Variants in UBE2R2 observed in about 807,000 individuals in gnomAD.
UBE2R2 encodes ubiquitin conjugating enzyme E2 R2.
A neutral mutation model predicts 27.8 loss-of-function variants in UBE2R2; 1 was observed. The observed-to-expected ratio is 0.04, with a 90% CI of 0.01 to 0.17. The LOEUF is 0.17. Among genes scored for constraint, UBE2R2 ranks in the 10% least tolerant of loss-of-function variants. The pLI, the probability that UBE2R2 is intolerant of heterozygous loss-of-function variation, is 1.00. For synonymous variants in UBE2R2, 106 were observed against 113.3 expected (o/e 0.94, Z 0.41); for missense variants, 100 against 291.0 (o/e 0.34, Z 4.78).
chr9:33,880,112 C>G (rs958875870), intron 1 of UBE2R2, among the ~76,000 whole-genome samples: 2 of 151,358 alleles, frequency 1.3e-5, no homozygotes, highest in African/African-American at 2.4e-5. Flanking sequence ...CCTCCAACTC[C>G]TGCGCTCAAG....
intron 3 of UBE2R2, among the ~76,000 whole-genome samples, chr9:33,908,599 T>C (rs1822416458): frequency 6.6e-6 from 1 of 152,242 alleles, no homozygotes; most frequent in African/African-American, 2.4e-5. Context: ...ACATCCTGGA[T>C]TTTTAACTTA....
chr9:33,897,025 T>TA (rs1822124805), intron 2 of UBE2R2, among the ~76,000 whole-genome samples: 1 of 14,184 alleles, frequency 7.1e-5, no homozygotes, highest in African/African-American at 1.8e-4. Flanking sequence ...TGTGGCCTAA[T>TA]TTTTTTTTTT....
intron 2 of UBE2R2, among the ~76,000 whole-genome samples, chr9:33,890,529 AG>A (rs1236743626): frequency 4.7e-5 from 7 of 150,146 alleles, no homozygotes; most frequent in African/African-American, 1.7e-4. Flanking sequence ...GATCGAGCTA[AG>A]GCCGGGCTCG....
intron 1 of UBE2R2, among the ~76,000 whole-genome samples, chr9:33,864,311 C>G (rs1821311963): frequency 6.6e-6 from 1 of 152,056 alleles, no homozygotes; most frequent in Non-Finnish European, 1.5e-5. Context: ...ATCAGTTACC[C>G]AGGATGTCTT....
At position 33,918,032 on chromosome 9, in the gene UBE2R2, TC is replaced by T. The variant is rs571427802; in HGVS notation, c.*801del. On this transcript the variant is annotated 3_prime_UTR_variant, in exon 5 of 5. Transcript: ENST00000263228. The stretch of plus-strand genomic sequence containing the variant: ...TATTTATTTTAAAGGCAGGGTTATT[TC>T]CCCCCAGGGAGTGGGGCAAGCGGGG... 6.5e-6 allele frequency: 1 copy of T among 153,644 alleles called. No individual in the cohort carries two copies. Among genetic ancestry groups the T allele is most frequent in the Non-Finnish European group, 1.5e-5 (1 of 68,008 alleles). The allele number at this position is 153,644 out of a possible 1,614,324, so 9.5% of individuals were successfully genotyped here.
At chr9:33,875,785 A>G (rs994285299) in intron 1 of UBE2R2, among the ~76,000 whole-genome samples, 1 of 152,186 alleles carries the variant, frequency 6.6e-6, no homozygotes, top group African/African-American at 2.4e-5. Context: ...GAAAAATGTA[A>G]ATTAAATAGT....
intron 1 of UBE2R2, among the ~76,000 whole-genome samples, chr9:33,834,785 C>T (rs1051093437): frequency 3.7e-4 from 56 of 151,774 alleles, no homozygotes; most frequent in African/African-American, 1.1e-3. Flanking sequence ...TGACACATGC[C>T]TGTAATCCCA....
chr9:33,895,638 G>A (rs1587474997), intron 2 of UBE2R2, among the ~76,000 whole-genome samples: 1 of 152,044 alleles, frequency 6.6e-6, no homozygotes, highest in African/African-American at 2.4e-5. Context: ...TCAAACTGGG[G>A]AATAGAACCA....
rs1014872842 is a variant in UBE2R2 at position 33,900,394 on chromosome 9, T to G, written c.362+123T>G. The G allele has an allele frequency of 6.3e-6, 4 of 633,506 alleles. No individual in the cohort carries two copies. The Admixed American group carries it at 1.2e-4, about 20-fold the overall frequency. 39.2% of individuals were successfully genotyped at this position (633,506 alleles called of 1,614,324 possible). A position where few individuals can be genotyped will look rare whatever the true frequency, so the allele number is the denominator to read the frequency against. On this transcript the variant is annotated intron_variant, in intron 3 of 4. Coordinates refer to ENST00000263228, the MANE Select transcript of UBE2R2 (RefSeq NM_017811.4). ...TCATCTTTCTTATATTCAGTTTCTT[T>G]GTCTTTAGCTAGAGCTTTAAGAAAT... is the stretch of plus-strand genomic sequence containing the variant.
intron 1 of UBE2R2, among the ~76,000 whole-genome samples, chr9:33,849,064 C>G (rs1211079237): frequency 1.3e-5 from 2 of 151,972 alleles, no homozygotes; most frequent in Admixed American, 1.3e-4. Context: ...CGAGACCAGC[C>G]TGACCAACAT....
Position 33,882,165 on chromosome 9 carries a change from CACTT to C in UBE2R2, c.178-4711_178-4708del, listed in dbSNP as rs547127231. ...AAATACTCCAATTTGTTTTCTTTAG[CACTT>C]ACTTTTTGGCATTATAAGATGCTCT... On this transcript the variant is annotated intron_variant, in intron 1 of 4. Coordinates refer to ENST00000263228, the MANE Select transcript of UBE2R2 (RefSeq NM_017811.4). Among the ~76,000 whole-genome samples, 1,079 of 152,256 alleles carry C rather than the reference CACTT, an allele frequency of 7.1e-3. 14 individuals are homozygous for C. Among genetic ancestry groups the C allele is most frequent in the African/African-American group, 0.025 (1,024 of 41,564 alleles).
chr9:33,877,180 A>AT (rs34711764), intron 1 of UBE2R2, among the ~76,000 whole-genome samples: 7 of 114,820 alleles, frequency 6.1e-5, no homozygotes, highest in South Asian at 5.7e-4. Flanking sequence ...TTATGATTGA[A>AT]TTTTTTTTTT....
chr9:33,837,852 T>G (rs1448989460), intron 1 of UBE2R2, among the ~76,000 whole-genome samples: 1 of 152,154 alleles, frequency 6.6e-6, no homozygotes, highest in Non-Finnish European at 1.5e-5. Flanking sequence ...CATTCTGTTT[T>G]TGATGTCTTG....
At chr9:33,898,593 T>A (rs938031837) in intron 2 of UBE2R2, among the ~76,000 whole-genome samples, 1 of 152,192 alleles carries the variant, frequency 6.6e-6, no homozygotes, top group Non-Finnish European at 1.5e-5. Context: ...TCCAGTTTTT[T>A]AAAAATATAA....
intron 3 of UBE2R2, among the ~76,000 whole-genome samples, chr9:33,909,019 T>TAAATAAAG (rs1822426477): frequency 6.6e-6 from 1 of 151,912 alleles, no homozygotes; most frequent in African/African-American, 2.4e-5. Flanking sequence ...AATAAATAAA[T>TAAATAAAG]AAATAAATAT....
chr9:33,915,397 A>G (rs971082083), intron 4 of UBE2R2, among the ~76,000 whole-genome samples: 32 of 152,216 alleles, frequency 2.1e-4, no homozygotes, highest in African/African-American at 7.5e-4. Context: ...GCATTTGTTT[A>G]TATAAGCCAA....
At position 33,917,981 on chromosome 9, in the gene UBE2R2, T is replaced by C. The variant is rs1179564579; in HGVS notation, c.*744T>C. On this transcript the variant is annotated 3_prime_UTR_variant, in exon 5 of 5. Coordinates refer to ENST00000263228, the MANE Select transcript of UBE2R2 (RefSeq NM_017811.4). ...AAAGCCTGAAATAAATATTCATACT[T>C]TCCATAGAACTGAGCACTTGGTTGC... 1.3e-5 allele frequency: 2 copies of C among 153,762 alleles called. No homozygotes were observed. Among genetic ancestry groups the C allele is most frequent in the Non-Finnish European group, 2.9e-5 (2 of 68,064 alleles). 9.5% of individuals were successfully genotyped at this position (153,762 alleles called of 1,614,324 possible).
chr9:33,862,788 T>C (rs2247503), intron 1 of UBE2R2, among the ~76,000 whole-genome samples: 6,060 of 152,288 alleles, frequency 0.04, 268 homozygotes, highest in African/African-American at 0.098. Flanking sequence ...ATTTCCCCCA[T>C]TTTGTGGTTT....
chr9:33,892,374 A>G (rs1822006667), intron 2 of UBE2R2, among the ~76,000 whole-genome samples: 1 of 152,202 alleles, frequency 6.6e-6, no homozygotes, highest in African/African-American at 2.4e-5. Flanking sequence ...ACTGTTCATT[A>G]GTACCTAAAC....
Sources: allele counts gnomAD v4.1 joint callset (sites outside exome capture counted in the v4.1 genomes callset), GRCh38; gene constraint gnomAD v4.1.1; transcripts MANE v1.5; gene names NCBI Gene and HGNC (gene_info 2026-07-23, HGNC 2026-07-21).